The following DEFB128 variants were observed in gnomAD, a reference collection of about 807,000 sequenced individuals.
The protein encoded by DEFB128 is beta-defensin 128.
DEFB128 carries 1 observed loss-of-function variant against 2.4 expected under a neutral mutation model. The ratio of observed to expected loss-of-function variants is 0.41; its 90% CI spans 0.15 to 1.96. The LOEUF (loss-of-function observed/expected upper bound fraction) is 1.96. Among genes scored for constraint, DEFB128 ranks in the 30% most tolerant of loss-of-function variants. The pLI is 0.30. For synonymous variants in DEFB128, 59 were observed against 39.1 expected (o/e 1.51, Z -1.89); for missense variants, 129 against 104.9 (o/e 1.23, Z -1.00).
At position 187,857 on chromosome 20, in the gene DEFB128, G is replaced by T; in HGVS notation, c.*29C>A. The T allele has an allele frequency of 1.2e-6, 2 of 1,609,660 alleles. No homozygotes were observed. The highest frequency in any genetic ancestry group is 2.2e-5 in the South Asian group (2 of 90,940). On this transcript the variant is annotated 3_prime_UTR_variant, in exon 2 of 2. Coordinates refer to ENST00000334391, the MANE Select transcript of DEFB128 (RefSeq NM_001037732.3). ...GCACTTTTTATTTAGGAAGAGTGGAGACCAGCGAGACAAGGGCTAGATTTA... is the reference window on the plus strand; with the variant it reads ...GCACTTTTTATTTAGGAAGAGTGGATACCAGCGAGACAAGGGCTAGATTTA...
At chr20:188,333 A>T (rs1422333363) in intron 1 of DEFB128, among the ~76,000 whole-genome samples, 2 of 152,332 alleles carry the variant, frequency 1.3e-5, no homozygotes, top group South Asian at 2.1e-4. Context: ...CTCTGAGAAC[A>T]TTAGAACTGA....
intron 1 of DEFB128, 135 bp downstream of exon 1, chr20:189,440 A>G (rs2011118931): frequency 1.1e-6 from 1 of 936,490 alleles, no homozygotes; most frequent in African/African-American, 1.6e-5. Context: ...TAAGGCATAG[A>G]CTCAAGTCAG....
chr20:189,649 G>T lies in DEFB128; in HGVS notation c.-26C>A. ...ATTTACAGACTTCCCAAGAGAAAGAGGCAGCAGAACTTTGTCCAGTGGTCT... is the reference window on the plus strand; with the variant it reads ...ATTTACAGACTTCCCAAGAGAAAGATGCAGCAGAACTTTGTCCAGTGGTCT... On this transcript the variant is annotated 5_prime_UTR_variant, in exon 1 of 2. Transcript: ENST00000334391. 6.2e-7 allele frequency: 1 copy of T among 1,613,592 alleles called. No individual in the cohort carries two copies. The highest frequency in any genetic ancestry group is 2.2e-5 in the East Asian group (1 of 44,876).
intron 1 of DEFB128, among the ~76,000 whole-genome samples, chr20:189,220 C>T (rs1243465254): frequency 1.3e-5 from 2 of 152,146 alleles, no homozygotes; most frequent in Non-Finnish European, 2.9e-5. Flanking sequence ...ATTGACATGA[C>T]TCCAAAATGT....
intron 1 of DEFB128, 87 bp downstream of exon 1, chr20:189,488 C>T (rs972620009): frequency 2.0e-6 from 3 of 1,487,894 alleles, no homozygotes; most frequent in African/African-American, 2.8e-5. Flanking sequence ...TGATTTTGGC[C>T]AAATATAAAT....
At position 189,671 on chromosome 20, in the gene DEFB128, G is replaced by T. The variant is rs758308034; in HGVS notation, c.-48C>A. On this transcript the variant is annotated 5_prime_UTR_variant, in exon 1 of 2. Coordinates refer to ENST00000334391, the MANE Select transcript of DEFB128 (RefSeq NM_001037732.3). ...AGAGGCAGCAGAACTTTGTCCAGTG[G>T]TCTGTGTGCCACAGGTCTTTAAAGA... 1.9e-6 allele frequency: 3 copies of T among 1,601,788 alleles called. No individual in the cohort carries two copies. The East Asian group carries it at 6.7e-5, about 36-fold the overall frequency.
rs1306341668 is a variant in DEFB128 at position 188,099 on chromosome 20, T to C, written c.69A>G (p.Lys23=). Reference sequence around the variant, plus strand: ...AATAGCCTGTTACTTTATTGAAGCATTTTTTGAGTCTTGCCCCGTCTGTGC... The same window carrying C: ...AATAGCCTGTTACTTTATTGAAGCACTTTTTGAGTCTTGCCCCGTCTGTGC... ...EVLTDGARLK[K]CFNKVTGYCR... The change falls in exon 2 of 2, where the codon AAA becomes AAG. Residue 23 remains lysine, a synonymous_variant. Coordinates refer to ENST00000334391, the MANE Select transcript of DEFB128 (RefSeq NM_001037732.3). 6.2e-7 allele frequency: 1 copy of C among 1,613,238 alleles called. No homozygotes were observed. Among genetic ancestry groups the C allele is most frequent in the Non-Finnish European group, 8.5e-7 (1 of 1,179,326 alleles).
chr20:188,769 T>A (rs2011116336), intron 1 of DEFB128, among the ~76,000 whole-genome samples: 1 of 152,164 alleles, frequency 6.6e-6, no homozygotes. Context: ...TTCAATTCCA[T>A]GAATTTGGCT....
rs763537977 is a variant in DEFB128 at position 187,885 on chromosome 20, A to G, written c.*1T>C. 6.2e-6 allele frequency: 10 copies of G among 1,613,772 alleles called. No individual in the cohort carries two copies. Among genetic ancestry groups the G allele is most frequent in the Non-Finnish European group, 6.8e-6 (8 of 1,179,806 alleles). Reference sequence around the variant, plus strand: ...CAGCGAGACAAGGGCTAGATTTAGGATTAGACTGTGAAAATGGTGATGGTG... The same window carrying G: ...CAGCGAGACAAGGGCTAGATTTAGGGTTAGACTGTGAAAATGGTGATGGTG... On this transcript the variant is annotated 3_prime_UTR_variant, in exon 2 of 2. Transcript: ENST00000334391.
At chr20:188,999 T>C (rs2011117283) in intron 1 of DEFB128, among the ~76,000 whole-genome samples, 1 of 152,156 alleles carries the variant, frequency 6.6e-6, no homozygotes, top group Non-Finnish European at 1.5e-5. Context: ...ATATGCCTTC[T>C]TCCTAGCAAG....
intron 1 of DEFB128, 127 bp from the exon 2 acceptor site, chr20:188,245 A>C: frequency 1.2e-6 from 1 of 859,058 alleles, no homozygotes; most frequent in Middle Eastern, 3.3e-4. Context: ...ATAAAAGGAA[A>C]CTCAGAGGCC....
In DEFB128 at chr20:187,970, C is replaced by A. The variant is rs771687480; in HGVS notation, c.198G>T (p.Lys66Asn). ...DEEEKKHVSF[K>N]KPHQHSGEKL... ...TCTCACCAGAATGTTGATGTGGCTTCTTAAATGACACATGTTTTTTCTCTT... is the reference window on the plus strand; with the variant it reads ...TCTCACCAGAATGTTGATGTGGCTTATTAAATGACACATGTTTTTTCTCTT... Residue 66 changes from lysine to asparagine, a missense_variant, in exon 2 of 2, where the codon AAG (lysine) becomes AAT (asparagine). Transcript: ENST00000334391. 2 of 1,613,792 alleles carry A rather than the reference C, an allele frequency of 1.2e-6. No individual in the cohort carries two copies. Among genetic ancestry groups the A allele is most frequent in the Non-Finnish European group, 8.5e-7 (1 of 1,179,940 alleles).
chr20:188,055 A>G lies in DEFB128; in HGVS notation c.113T>C (p.Val38Ala). The G allele has an allele frequency of 6.2e-7, 1 of 1,614,036 alleles. No homozygotes were observed. Among genetic ancestry groups the G allele is most frequent in the Non-Finnish European group, 8.5e-7 (1 of 1,179,956 alleles). The change falls in exon 2 of 2, where the codon GTA (valine) becomes GCA (alanine). Residue 38 changes from valine (V) to alanine (A), a missense_variant. By Grantham distance (64) the Val-to-Ala change is moderately conservative. Transcript: ENST00000334391. Reference protein sequence around the residue: ...VTGYCRKKCKVGERYEIGCLS... With the variant: ...VTGYCRKKCKAGERYEIGCLS... ...ACATCCTATTTCATATCTTTCTCCT[A>G]CCTTGCATTTCTTCCTGCAATAGCC...
rs915226875 is a variant in DEFB128 at position 188,179 on chromosome 20, G to A, written c.50-61C>T. ...GCGTAAGGAAGAGCAGAAGAGGTAG[G>A]TATGTGGTTCCCCACAAGTCATGGC... On this transcript the variant is annotated intron_variant, in intron 1 of 1. Transcript: ENST00000334391. 4.7e-6 allele frequency: 7 copies of A among 1,504,794 alleles called. No individual in the cohort carries two copies. The African/African-American group carries it at 9.6e-5, about 21-fold the overall frequency. 93.2% of individuals were successfully genotyped at this position (1,504,794 alleles called of 1,614,324 possible). A position where few individuals can be genotyped will look rare whatever the true frequency, so the allele number is the denominator to read the frequency against.
chr20:188,612 T>C (rs2011115602), intron 1 of DEFB128, among the ~76,000 whole-genome samples: 2 of 152,216 alleles, frequency 1.3e-5, no homozygotes, highest in Admixed American at 1.3e-4. Context: ...CTCACTGATA[T>C]GGGCAACAGA....
intron 1 of DEFB128, among the ~76,000 whole-genome samples, chr20:188,484 C>T (rs2011115082): frequency 6.6e-6 from 1 of 152,228 alleles, no homozygotes; most frequent in Non-Finnish European, 1.5e-5. Context: ...CTCATGTCCC[C>T]AGAGACGGCT....
In DEFB128 at chr20:187,917, A is replaced by T; in HGVS notation, c.251T>A (p.Ile84Asn). The part of the protein sequence containing the change: ...EKLSVLQDYI[I>N]LPTITIFTV ...TGTGAAAATGGTGATGGTGGGTAAGATGATGTAATCCTGCAGCACACTCAG... is the reference window on the plus strand; with the variant it reads ...TGTGAAAATGGTGATGGTGGGTAAGTTGATGTAATCCTGCAGCACACTCAG... The change falls in exon 2 of 2, where the codon ATC (isoleucine) becomes AAC (asparagine). Residue 84 changes from isoleucine to asparagine, a missense_variant. Physicochemically the swap from Ile to Asn is moderately radical, Grantham distance 149 (BLOSUM62 -3). Transcript: ENST00000334391. 1.9e-6 allele frequency: 3 copies of T among 1,613,858 alleles called. No homozygotes were observed. The highest frequency in any genetic ancestry group is 2.5e-6 in the Non-Finnish European group (3 of 1,179,928).
intron 1 of DEFB128, 136 bp downstream of exon 1, chr20:189,439 G>T: frequency 1.1e-6 from 1 of 925,934 alleles, no homozygotes; most frequent in Non-Finnish European, 1.7e-6. Flanking sequence ...CTAAGGCATA[G>T]ACTCAAGTCA....
At position 187,891 on chromosome 20, in the gene DEFB128, C is replaced by G. The variant is rs199502434; in HGVS notation, c.277G>C (p.Val93Leu). ...IILPTITIFT[V>L] ...GACAAGGGCTAGATTTAGGATTAGA[C>G]TGTGAAAATGGTGATGGTGGGTAAG... Residue 93 changes from valine to leucine, a missense_variant, in exon 2 of 2, where the codon GTC becomes CTC. Physicochemically the swap from Val to Leu is conservative, Grantham distance 32. Transcript: ENST00000334391. 16 of 1,613,802 alleles carry G rather than the reference C, an allele frequency of 9.9e-6. No homozygotes were observed. The highest frequency in any genetic ancestry group is 1.3e-5 in the Non-Finnish European group (15 of 1,179,836).
Sources: gnomAD v4.1 joint callset for allele counts (sites outside exome capture counted in the v4.1 genomes callset) on GRCh38, gnomAD v4.1.1 for gene constraint, MANE v1.5 for transcripts, NCBI Gene and HGNC (gene_info 2026-07-23, HGNC 2026-07-21) for gene names.